Variants in TEX11 observed in about 807,000 individuals in gnomAD.
TEX11 encodes testis-expressed protein 11.
TEX11 carries 7 observed loss-of-function variants against 84.4 expected under a neutral mutation model. That is an observed-to-expected ratio of 0.08 (90% CI 0.05 to 0.16). The LOEUF (loss-of-function observed/expected upper bound fraction) is 0.16. TEX11 is among the 10% of genes least tolerant of loss of function. TEX11 has a pLI of 1.00. For missense variants in TEX11, 551 were observed against 660.5 expected (o/e 0.83, Z 1.82); for synonymous variants, 264 against 222.8 (o/e 1.18, Z -1.64).
At position 70,821,073 on chromosome X, in the gene TEX11, A is replaced by C. The variant is rs1392738097; in HGVS notation, c.606+12440T>G. On this transcript the variant is annotated intron_variant, in intron 8 of 29. Transcript: ENST00000374333. ...TCAACAGAGTGAAAAAGCATCCTAC[A>C]AAATGAGACAAAATATTTGCAAACC... Among the ~76,000 whole-genome samples the C allele has an allele frequency of 1.8e-5, 2 of 111,869 alleles. 1 individual carries two copies. The highest frequency in any genetic ancestry group is 6.5e-5 in the African/African-American group (2 of 30,767).
At chrX:70,880,587 G>A (rs1370714982) in intron 2 of TEX11, among the ~76,000 whole-genome samples, 1 of 110,179 alleles carries the variant, frequency 9.1e-6, no homozygotes, top group African/African-American at 3.3e-5. Flanking sequence ...CAAAAACCCT[G>A]CAAAACTGAA....
chrX:70,519,870 T>C, the TEX11 span, among the ~76,000 whole-genome samples: 89 of 111,770 alleles, frequency 8.0e-4, no homozygotes, highest in Non-Finnish European at 1.4e-3. Context: ...TAATTTGATC[T>C]TCAATCACTG....
intron 9 of TEX11, among the ~76,000 whole-genome samples, chrX:70,751,855 C>G (rs1350356217): frequency 9.0e-6 from 1 of 111,717 alleles, no homozygotes; most frequent in Non-Finnish European, 1.9e-5. Flanking sequence ...ATAAACAGGG[C>G]TAGTAATTAT....
chrX:70,727,593 C>T (rs1336968060), intron 11 of TEX11, among the ~76,000 whole-genome samples: 1 of 111,278 alleles, frequency 9.0e-6, no homozygotes, highest in Non-Finnish European at 1.9e-5. Flanking sequence ...TGCTATGGAC[C>T]GAATGTTTGT....
intron 21 of TEX11, 116 bp from the exon 22 acceptor site, chrX:70,609,293 G>T: frequency 3.5e-6 from 2 of 565,161 alleles, no homozygotes; most frequent in Non-Finnish European, 5.4e-6. Context: ...GTTCTTTTTT[G>T]TGTATGTGTG....
intron 8 of TEX11, among the ~76,000 whole-genome samples, chrX:70,823,378 T>A (rs1320419366): frequency 9.0e-6 from 1 of 110,577 alleles, no homozygotes; most frequent in Non-Finnish European, 1.9e-5. Context: ...GTATAGGTGA[T>A]TTTTTTCTAA....
At chrX:70,779,525 A>G (rs1196418695) in intron 9 of TEX11, among the ~76,000 whole-genome samples, 1 of 110,964 alleles carries the variant, frequency 9.0e-6, no homozygotes, top group Non-Finnish European at 1.9e-5. Context: ...AACAAAGCCC[A>G]AAGTTAACAG....
chrX:70,728,181 G>A lies in TEX11; in HGVS notation c.844-2838C>T, dbSNP rs1475187927. On this transcript the variant is annotated intron_variant, in intron 11 of 29. Coordinates refer to ENST00000374333, the MANE Select transcript of TEX11 (RefSeq NM_031276.3). ...AACTTGTAAGAAATGCAAGCCATGG[G>A]TTGGAGCCAAGATGGCTGAATAGGA... 2.7e-5 allele frequency among the ~76,000 whole-genome samples: 3 copies of A among 112,776 alleles called. 1 individual carries two copies. Among genetic ancestry groups the A allele is most frequent in the African/African-American group, 9.7e-5 (3 of 31,030 alleles).
chrX:70,607,142 G>A, intron 22 of TEX11, 113 bp from the exon 23 acceptor site: 1 of 527,418 alleles, frequency 1.9e-6, no homozygotes, highest in Non-Finnish European at 2.9e-6. Context: ...TACTAGTAAG[G>A]GGTTTCTCAA....
intron 15 of TEX11, among the ~76,000 whole-genome samples, chrX:70,678,100 C>A (rs2090089816): frequency 9.0e-6 from 1 of 111,268 alleles, no homozygotes. Context: ...GCGTGAGCCA[C>A]CACGCCCGGC....
intron 20 of TEX11, among the ~76,000 whole-genome samples, chrX:70,611,956 T>C (rs908959914): frequency 9.0e-5 from 10 of 110,841 alleles, no homozygotes; most frequent in Admixed American, 2.9e-4. Context: ...GGCAACACAG[T>C]GAGACCACAT....
chrX:70,570,529 G>A (rs1222928056), intron 25 of TEX11, among the ~76,000 whole-genome samples: 1 of 111,119 alleles, frequency 9.0e-6, no homozygotes, highest in Non-Finnish European at 1.9e-5. Flanking sequence ...GACCAGAGCT[G>A]TTCCTATTTG....
At chrX:70,618,447 A>T (rs1232924400) in intron 20 of TEX11, among the ~76,000 whole-genome samples, 1 of 111,523 alleles carries the variant, frequency 9.0e-6, no homozygotes, top group Non-Finnish European at 1.9e-5. Context: ...TTGAACCTAG[A>T]CATATTCCTC....
chrX:70,775,540 T>C (rs2090995966), intron 9 of TEX11, among the ~76,000 whole-genome samples: 1 of 110,238 alleles, frequency 9.1e-6, no homozygotes, highest in Non-Finnish European at 1.9e-5. Context: ...ACAGACATTA[T>C]TCAAAAGAAG....
downstream of TEX11, among the ~76,000 whole-genome samples, chrX:70,525,128 C>T (rs977179475): frequency 9.0e-6 from 1 of 111,252 alleles, no homozygotes; most frequent in Non-Finnish European, 1.9e-5. Context: ...CTGCAGTGAG[C>T]TATGATTGAG....
intron 16 of TEX11, among the ~76,000 whole-genome samples, chrX:70,666,015 T>A (rs773996124): frequency 8.9e-6 from 1 of 112,119 alleles, no homozygotes; most frequent in Non-Finnish European, 1.9e-5. Flanking sequence ...TCTTTATAAC[T>A]ATTTTTAATG....
At chrX:70,883,980 C>T (rs1300593622) in intron 2 of TEX11, among the ~76,000 whole-genome samples, 1 of 111,838 alleles carries the variant, frequency 8.9e-6, no homozygotes, top group African/African-American at 3.3e-5. Flanking sequence ...CAAAGCAGCT[C>T]AAAGACCTGC....
At chrX:70,839,770 T>G (rs780121185) in intron 7 of TEX11, among the ~76,000 whole-genome samples, 1 of 111,048 alleles carries the variant, frequency 9.0e-6, no homozygotes, top group Non-Finnish European at 1.9e-5. Flanking sequence ...GATACTAGAA[T>G]AACCAATGCA....
intron 9 of TEX11, among the ~76,000 whole-genome samples, chrX:70,796,264 T>C (rs1364066880): frequency 9.0e-6 from 1 of 111,409 alleles, no homozygotes; most frequent in Non-Finnish European, 1.9e-5. Context: ...ATGAAATAAG[T>C]AGTGACCTTG....
Sources: allele counts gnomAD v4.1 joint callset (sites outside exome capture counted in the v4.1 genomes callset), GRCh38; gene constraint gnomAD v4.1.1; transcripts MANE v1.5; gene names NCBI Gene and HGNC (gene_info 2026-07-23, HGNC 2026-07-21).